The following PTK7 variants were observed in gnomAD, a reference collection of about 807,000 sequenced individuals.
PTK7 encodes the protein inactive tyrosine-protein kinase 7.
In PTK7, 39 loss-of-function variants were observed where a neutral mutation model predicts 116.6. The observed-to-expected ratio is 0.33, with a 90% CI of 0.26 to 0.44. PTK7 has a LOEUF of 0.44. Among genes scored for constraint, PTK7 ranks in the 20% least tolerant of loss-of-function variants. PTK7 has a pLI of 1.00. For synonymous variants in PTK7, 546 were observed against 563.6 expected, an observed-to-expected ratio of 0.97 and a Z score of 0.44; for missense variants, 1,169 against 1,425.6, an observed-to-expected ratio of 0.82 and a Z score of 2.90.
intron 1 of PTK7, 146 bp from the exon 2 acceptor site, chr6:43,128,831 A>G (rs1769455762): frequency 6.8e-6 from 5 of 731,246 alleles, no homozygotes; most frequent in Non-Finnish European, 1.1e-5. Flanking sequence ...GACTCTTGCA[A>G]TTGTGGCATC....
Position 43,141,910 on chromosome 6 carries a change from C to T in PTK7, c.1769-21C>T, listed in dbSNP as rs1320873008. The stretch of plus-strand genomic sequence containing the variant: ...CCTTGGCTTACCCCTCCCTGCGCCT[C>T]GCTGGTCTCTTTTCTTCCAGTTTTT... On this transcript the variant is annotated intron_variant, in intron 11 of 19. Transcript: ENST00000230419. The surrounding 1 kb of genome is among the most constrained non-coding windows in gnomAD (Gnocchi z 4.9). 1.9e-6 allele frequency: 3 copies of T among 1,595,550 alleles called. No individual in the cohort carries two copies. Among genetic ancestry groups the T allele is most frequent in the South Asian group, 2.2e-5 (2 of 89,776 alleles).
chr6:43,159,016 G>A, intron 18 of PTK7, 48 bp downstream of exon 18: 2 of 1,606,116 alleles, frequency 1.2e-6, no homozygotes, highest in Non-Finnish European at 8.5e-7. Context: ...TTCCCAGAGG[G>A]TGAGGGGCAG....
intron 14 of PTK7, 76 bp from the exon 15 acceptor site, chr6:43,144,375 G>C (rs1287315891): frequency 1.3e-6 from 2 of 1,581,888 alleles, no homozygotes; most frequent in Non-Finnish European, 1.7e-6. Flanking sequence ...TGGAAGACCA[G>C]GGGACAGAAC....
intron 1 of PTK7, among the ~76,000 whole-genome samples, chr6:43,125,574 A>G (rs764934053): frequency 1.9e-4 from 29 of 152,168 alleles, no homozygotes; most frequent in Non-Finnish European, 8.8e-5. Context: ...CTGCTGTGGC[A>G]GCTCCTTCCC....
intron 17 of PTK7, among the ~76,000 whole-genome samples, chr6:43,155,870 TAA>T (rs1224292146): frequency 6.6e-6 from 1 of 152,158 alleles, no homozygotes; most frequent in African/African-American, 2.4e-5. Context: ...TGTACACTTA[TAA>T]AAGTGTTCAT....
At chr6:43,091,256 G>A (rs992269394) in intron 1 of PTK7, among the ~76,000 whole-genome samples, 1 of 151,564 alleles carries the variant, frequency 6.6e-6, no homozygotes, top group Non-Finnish European at 1.5e-5. Flanking sequence ...TGTCTCCTGG[G>A]TTCAAGTGAC....
Position 43,143,828 on chromosome 6 carries a change from G to A in PTK7, c.2251+208G>A, listed in dbSNP as rs1206976985. Among the ~76,000 whole-genome samples the A allele has an allele frequency of 6.6e-6, 1 of 152,214 alleles. No individual in the cohort carries two copies. The highest frequency in any genetic ancestry group is 2.1e-4 in the South Asian group (1 of 4,826). Reference sequence around the variant, plus strand: ...CAACCTGGCTTGAGACTTCTTCATTGGAGCCCCTTGGACCAGCTTCCTATG... The same window carrying A: ...CAACCTGGCTTGAGACTTCTTCATTAGAGCCCCTTGGACCAGCTTCCTATG... On this transcript the variant is annotated intron_variant, in intron 14 of 19. Transcript: ENST00000230419. This position sits in a 1 kb window ranked among gnomAD's most constrained non-coding sequence, Gnocchi z 4.2.
At chr6:43,115,203 T>A (rs750855756) in intron 1 of PTK7, among the ~76,000 whole-genome samples, 1 of 152,282 alleles carries the variant, frequency 6.6e-6, no homozygotes, top group Non-Finnish European at 1.5e-5. Flanking sequence ...TGATTTTTTT[T>A]AAAGTATGAC....
chr6:43,088,332 C>T (rs1321785828), intron 1 of PTK7, among the ~76,000 whole-genome samples: 1 of 151,904 alleles, frequency 6.6e-6, no homozygotes, highest in East Asian at 1.9e-4. Flanking sequence ...AAGCTGAGAC[C>T]AGAGTGCCAG....
chr6:43,151,522 T>C (rs1386092463), intron 17 of PTK7, among the ~76,000 whole-genome samples: 1 of 114,636 alleles, frequency 8.7e-6, no homozygotes, highest in African/African-American at 3.7e-5. Context: ...CCCGTTTTTT[T>C]GTTTGTTTTT....
intron 1 of PTK7, among the ~76,000 whole-genome samples, chr6:43,109,238 G>T (rs946234405): frequency 6.6e-6 from 1 of 152,040 alleles, no homozygotes; most frequent in African/African-American, 2.4e-5. Flanking sequence ...ATAGGGTCTT[G>T]CTATGTTGTC....
rs542127218 is a variant in PTK7, at chr6:43,143,718, C to G, written c.2251+98C>G. On this transcript the variant is annotated intron_variant, in intron 14 of 19. Coordinates refer to ENST00000230419, the MANE Select transcript of PTK7 (RefSeq NM_002821.5). The surrounding 1 kb of genome is among the most constrained non-coding windows in gnomAD (Gnocchi z 4.2). Reference sequence around the variant, plus strand: ...GAGCGCCAGCACTCTGGAAACCGAGCGGCTGTTGCTGGGTCCTGGAGCTGG... The same window carrying G: ...GAGCGCCAGCACTCTGGAAACCGAGGGGCTGTTGCTGGGTCCTGGAGCTGG... 6.8e-6 allele frequency: 9 copies of G among 1,330,212 alleles called. No homozygotes were observed. The highest frequency in any genetic ancestry group is 5.3e-4 in the Middle Eastern group (2 of 3,760). The allele number at this position is 1,330,212 out of a possible 1,614,324, so 82.4% of individuals were successfully genotyped here.
intron 6 of PTK7, 83 bp from the exon 7 acceptor site, chr6:43,132,338 G>A (rs1184683177): frequency 6.6e-7 from 1 of 1,511,274 alleles, no homozygotes; most frequent in Non-Finnish European, 8.9e-7. Flanking sequence ...TGCTGGGAAA[G>A]GGCCTAGGCT....
chr6:43,108,666 T>G (rs1378468407), intron 1 of PTK7, among the ~76,000 whole-genome samples: 1 of 152,246 alleles, frequency 6.6e-6, no homozygotes, highest in Non-Finnish European at 1.5e-5. Context: ...CCTCCCAAAG[T>G]GCTGGGATTC....
At chr6:43,123,865 T>C (rs1044133049) in intron 1 of PTK7, among the ~76,000 whole-genome samples, 4 of 152,134 alleles carry the variant, frequency 2.6e-5, no homozygotes, top group African/African-American at 9.7e-5. Flanking sequence ...TGTGTGGGCT[T>C]TGTGAATGTG....
At chr6:43,154,982 T>C (rs889413874) in intron 17 of PTK7, among the ~76,000 whole-genome samples, 2 of 152,202 alleles carry the variant, frequency 1.3e-5, no homozygotes, top group South Asian at 4.1e-4. Context: ...TGCCTCACAG[T>C]GCATGTGTGG....
chr6:43,149,158 G>A (rs1384550498), intron 17 of PTK7, among the ~76,000 whole-genome samples: 2 of 151,674 alleles, frequency 1.3e-5, no homozygotes, highest in Non-Finnish European at 2.9e-5. Flanking sequence ...GATCACTTGA[G>A]GCCAGGAGTT....
chr6:43,158,718 C>A, intron 17 of PTK7, 99 bp from the exon 18 acceptor site: 1 of 1,317,258 alleles, frequency 7.6e-7, no homozygotes, highest in Non-Finnish European at 1.0e-6. Flanking sequence ...TCCTACGCAG[C>A]ACACCAATAG....
At chr6:43,103,288 AACAG>A (rs1436181069) in intron 1 of PTK7, among the ~76,000 whole-genome samples, 2 of 152,182 alleles carry the variant, frequency 1.3e-5, no homozygotes, top group East Asian at 1.9e-4. Context: ...GAGGGAGAAA[AACAG>A]ACAGACCAGG....
Sources: gnomAD v4.1 joint callset for allele counts (sites outside exome capture counted in the v4.1 genomes callset) on GRCh38, gnomAD v4.1.1 for gene constraint, Gnocchi (gnomAD v3.1) non-coding constraint, MANE v1.5 for transcripts, NCBI Gene and HGNC (gene_info 2026-07-23, HGNC 2026-07-21) for gene names.